Variants in FBH1 observed in about 807,000 individuals in gnomAD.
The protein encoded by FBH1 is DNA 3'-5' helicase 1.
Under a neutral mutation model 115.5 loss-of-function variants are expected in FBH1, and 43 were observed. The observed-to-expected ratio is 0.37, with a 90% CI of 0.29 to 0.48. The LOEUF (loss-of-function observed/expected upper bound fraction) is 0.48. FBH1 is among the 20% of genes least tolerant of loss of function. The pLI, the probability that FBH1 is intolerant of heterozygous loss-of-function variation, is 0.99. For synonymous variants in FBH1, 524 were observed against 507.8 expected, an observed-to-expected ratio of 1.03 and a Z score of -0.43; for missense variants, 1,001 against 1,337.3, an observed-to-expected ratio of 0.75 and a Z score of 3.92.
In FBH1 at chr10:5,932,810, C is replaced by G. The variant is rs1316537776; in HGVS notation, c.2830-3646C>G. On this transcript the variant is annotated intron_variant, in intron 19 of 20. Coordinates refer to ENST00000362091, the MANE Select transcript of FBH1 (RefSeq NM_178150.3). The surrounding 1 kb of genome is among the most constrained non-coding windows in gnomAD (Gnocchi z 5.9). Reference sequence around the variant, plus strand: ...TTGGCCCACTGCAACCTCCGCCTCCCAGGCTCAAGCCATCCTCCCACCTCA... The same window carrying G: ...TTGGCCCACTGCAACCTCCGCCTCCGAGGCTCAAGCCATCCTCCCACCTCA... Among the ~76,000 whole-genome samples the G allele has an allele frequency of 1.3e-5, 2 of 152,148 alleles. No individual in the cohort carries two copies. The highest frequency in any genetic ancestry group is 4.8e-5 in the African/African-American group (2 of 41,438).
chr10:5,921,625 AC>A lies in FBH1; in HGVS notation c.2322+59del, dbSNP rs566767331. 5.1e-3 allele frequency: 8,004 copies of A among 1,569,204 alleles called. 32 individuals are homozygous for A. Among genetic ancestry groups the A allele is most frequent in the Non-Finnish European group, 5.9e-3 (6,928 of 1,167,470 alleles). Reference sequence around the variant, plus strand: ...GCACAGAAACGTTGTAGACGAACATACCCAATGGAAATGTTCACCTTCCTTG... The same window carrying A: ...GCACAGAAACGTTGTAGACGAACATACCAATGGAAATGTTCACCTTCCTTG... On this transcript the variant is annotated intron_variant, in intron 15 of 20. Coordinates refer to ENST00000362091, the MANE Select transcript of FBH1 (RefSeq NM_178150.3). The surrounding 1 kb of genome is among the most constrained non-coding windows in gnomAD (Gnocchi z 6.4).
chr10:5,892,424 T>C (rs1842786741), intron 1 of FBH1, among the ~76,000 whole-genome samples: 1 of 152,246 alleles, frequency 6.6e-6, no homozygotes, highest in South Asian at 2.1e-4. Flanking sequence ...TTTTTGCTGC[T>C]TATCTCATTC....
intron 1 of FBH1, among the ~76,000 whole-genome samples, chr10:5,893,428 A>G (rs1345556891): frequency 1.3e-5 from 2 of 152,196 alleles, no homozygotes; most frequent in East Asian, 3.8e-4. Context: ...GGACCTTTGT[A>G]GTCTGTGGCT....
At chr10:5,927,581 G>A (rs769401591) in intron 19 of FBH1, 40 bp downstream of exon 19, 4 of 1,528,270 alleles carry the variant, frequency 2.6e-6, no homozygotes, top group Middle Eastern at 1.7e-4. Flanking sequence ...TGATGCCATT[G>A]AATGTTATTT....
rs747172845 is a variant in FBH1 at position 5,921,433 on chromosome 10, GCT to G, written c.2201-9_2201-8del. 1.9e-6 allele frequency: 3 copies of G among 1,608,940 alleles called. No homozygotes were observed. The highest frequency in any genetic ancestry group is 2.5e-6 in the Non-Finnish European group (3 of 1,178,334). On this transcript the variant is annotated splice_polypyrimidine_tract_variant and intron_variant, in intron 14 of 20. Transcript: ENST00000362091. The surrounding 1 kb of genome is among the most constrained non-coding windows in gnomAD (Gnocchi z 6.4). ...TATTTCAATTTGCCATAGAGTTTGTGCTCTCTCCCTAAAGGTGGCATTAGAGG... is the reference window on the plus strand; with the variant it reads ...TATTTCAATTTGCCATAGAGTTTGTGCTCTCCCTAAAGGTGGCATTAGAGG...
Position 5,921,661 on chromosome 10 carries a change from T to C in FBH1, c.2322+92T>C. 1 of 1,528,434 alleles carries C rather than the reference T, an allele frequency of 6.5e-7. No individual in the cohort carries two copies. Among genetic ancestry groups the C allele is most frequent in the Non-Finnish European group, 8.8e-7 (1 of 1,141,274 alleles). 94.7% of individuals were successfully genotyped at this position (1,528,434 alleles called of 1,614,324 possible). A position where few individuals can be genotyped will look rare whatever the true frequency, so the allele number is the denominator to read the frequency against. ...ATGTTCACCTTCCTTGGGATTATCA[T>C]GCAAGAAAGCATTTGGGTTTTTGAC... On this transcript the variant is annotated intron_variant, in intron 15 of 20. Coordinates refer to ENST00000362091, the MANE Select transcript of FBH1 (RefSeq NM_178150.3). The surrounding 1 kb of genome is among the most constrained non-coding windows in gnomAD (Gnocchi z 6.4).
intron 1 of FBH1, chr10:5,894,169 G>T (rs1312536141): frequency 1.0e-6 from 1 of 985,302 alleles, no homozygotes; most frequent in African/African-American, 1.7e-5. Flanking sequence ...CCTGGGAAAG[G>T]AGCTGGAGCT....
intron 19 of FBH1, among the ~76,000 whole-genome samples, chr10:5,930,373 CTT>C (rs1358701513): frequency 1.2e-4 from 18 of 152,222 alleles, no homozygotes; most frequent in Admixed American, 2.0e-4. Context: ...TTCCCATGCT[CTT>C]GTCTCATTGC....
In FBH1 at chr10:5,925,371, C is replaced by T. The variant is rs1411436817; in HGVS notation, c.2601C>T (p.Tyr867=). The part of the protein sequence containing the change: ...CHIEDLDFAE[Y]ILGTVHKAKG... ...TGTGCTGTGTTTTTATCCTAGAGTA[C>T]ATTCTGGGCACTGTGCACAAAGCCA... Residue 867 remains tyrosine, a synonymous_variant, in exon 18 of 21, where the codon TAC becomes TAT. Coordinates refer to ENST00000362091, the MANE Select transcript of FBH1 (RefSeq NM_178150.3). The surrounding 1 kb of genome is among the most constrained non-coding windows in gnomAD (Gnocchi z 4.6). 1 of 1,613,968 alleles carries T rather than the reference C, an allele frequency of 6.2e-7. No individual in the cohort carries two copies. The highest frequency in any genetic ancestry group is 1.1e-5 in the South Asian group (1 of 91,042).
rs1399397377 is a variant in FBH1, at chr10:5,924,086, C to T, written c.2399-225C>T. On this transcript the variant is annotated intron_variant, in intron 16 of 20. Transcript: ENST00000362091. This position sits in a 1 kb window ranked among gnomAD's most constrained non-coding sequence, Gnocchi z 6.2. Reference sequence around the variant, plus strand: ...AAATCCCTGTGAAGTAGGTGAGGATCTTGAGCCGAGGGCTTTGCTCCTCAG... The same window carrying T: ...AAATCCCTGTGAAGTAGGTGAGGATTTTGAGCCGAGGGCTTTGCTCCTCAG... 8.4e-6 allele frequency: 5 copies of T among 592,034 alleles called. No homozygotes were observed. The Admixed American group carries it at 1.5e-4, about 18-fold the overall frequency. 36.7% of individuals were successfully genotyped at this position (592,034 alleles called of 1,614,324 possible).
intron 15 of FBH1, among the ~76,000 whole-genome samples, chr10:5,922,377 A>C (rs1244491133): frequency 1.3e-5 from 2 of 152,234 alleles, no homozygotes; most frequent in Non-Finnish European, 2.9e-5. Context: ...GGGTACACAG[A>C]AATGGATGCT....
chr10:5,929,588 A>G (rs149453891), intron 19 of FBH1: 16 of 152,364 alleles, frequency 1.1e-4, no homozygotes, highest in African/African-American at 3.6e-4. Flanking sequence ...GCCAGGCAGT[A>G]AAGATTTCGG....
intron 2 of FBH1, among the ~76,000 whole-genome samples, chr10:5,903,443 G>A (rs1015034370): frequency 5.3e-5 from 8 of 150,696 alleles, no homozygotes; most frequent in African/African-American, 2.0e-4. Flanking sequence ...TGATTCTCCT[G>A]CCTCCGCCTC....
At chr10:5,892,038 T>G (rs1305080493) in intron 1 of FBH1, among the ~76,000 whole-genome samples, 1 of 151,014 alleles carries the variant, frequency 6.6e-6, no homozygotes, top group Non-Finnish European at 1.5e-5. Context: ...TAAATGATAA[T>G]GTATGTGAAT....
chr10:5,894,447 G>C (rs1201039015), intron 1 of FBH1: 1 of 1,553,950 alleles, frequency 6.4e-7, no homozygotes, highest in Non-Finnish European at 8.9e-7. Context: ...CACTGGACTA[G>C]GGGAGTCAGG....
rs1177857546 is a variant in FBH1 at position 5,900,310 on chromosome 10, T to A, written c.2-2710T>A. ...TTTCTCATCTGTTCCTGATGACACT[T>A]ATCAGACTTAGATGAGATTGGGCGC... is the stretch of plus-strand genomic sequence containing the variant. On this transcript the variant is annotated intron_variant, in intron 1 of 20. Transcript: ENST00000362091. This position sits in a 1 kb window ranked among gnomAD's most constrained non-coding sequence, Gnocchi z 4.2. Among the ~76,000 whole-genome samples, 8 of 152,254 alleles carry A rather than the reference T, an allele frequency of 5.3e-5. No homozygotes were observed. Among genetic ancestry groups the A allele is most frequent in the Non-Finnish European group, 2.9e-5 (2 of 68,048 alleles).
At chr10:5,898,935 G>T (rs1364105996) in intron 1 of FBH1, among the ~76,000 whole-genome samples, 1 of 152,192 alleles carries the variant, frequency 6.6e-6, no homozygotes, top group Non-Finnish European at 1.5e-5. Context: ...CTCATTGATG[G>T]TCATTATCAA....
chr10:5,936,391 A>C lies in FBH1; in HGVS notation c.2830-65A>C, dbSNP rs1833355262. 1.0e-5 allele frequency: 16 copies of C among 1,579,788 alleles called. No homozygotes were observed. The highest frequency in any genetic ancestry group is 1.3e-5 in the Non-Finnish European group (15 of 1,157,426). ...GGGTTCTCACAGAGCCGCCGCTATC[A>C]GTGTTTCCAGTAGACCCTAACGGAG... is the stretch of plus-strand genomic sequence containing the variant. On this transcript the variant is annotated intron_variant, in intron 19 of 20. Coordinates refer to ENST00000362091, the MANE Select transcript of FBH1 (RefSeq NM_178150.3). The surrounding 1 kb of genome is among the most constrained non-coding windows in gnomAD (Gnocchi z 5.6).
chr10:5,920,976 G>A (rs972238318), intron 13 of FBH1, among the ~76,000 whole-genome samples: 4 of 152,178 alleles, frequency 2.6e-5, no homozygotes, highest in African/African-American at 7.2e-5. Flanking sequence ...CTCCTTACCC[G>A]ATCTTCATCT....
Sources: gnomAD v4.1 joint callset for allele counts (sites outside exome capture counted in the v4.1 genomes callset) on GRCh38, gnomAD v4.1.1 for gene constraint, Gnocchi (gnomAD v3.1) non-coding constraint, MANE v1.5 for transcripts, NCBI Gene and HGNC (gene_info 2026-07-23, HGNC 2026-07-21) for gene names.